The following DCHS2 variants were observed in gnomAD, a reference collection of about 807,000 sequenced individuals.
DCHS2 encodes dachsous cadherin-related 2.
DCHS2 carries 142 observed loss-of-function variants against 182.4 expected under a neutral mutation model. That is an observed-to-expected ratio of 0.78 (90% CI 0.68 to 0.89). The LOEUF is 0.89. Among genes scored for constraint, DCHS2 ranks in the 40% least tolerant of loss-of-function variants. DCHS2 has a pLI of 0.00. For missense variants in DCHS2, 4,319 were observed against 4,198.6 expected (o/e 1.03, Z -0.79); for synonymous variants, 1,740 against 1,663.3 (o/e 1.05, Z -1.12).
At chr4:154,259,784 A>G (rs1336274685) in intron 14 of DCHS2, 28 bp from the exon 15 acceptor site, 3 of 1,576,230 alleles carry the variant, frequency 1.9e-6, no homozygotes, top group Admixed American at 2.0e-5. Context: ...GAGAAAAAAA[A>G]GAAAATGATG....
intron 1 of DCHS2, among the ~76,000 whole-genome samples, chr4:154,397,102 T>C (rs1731962602): frequency 6.6e-6 from 1 of 152,190 alleles, no homozygotes; most frequent in Non-Finnish European, 1.5e-5. Context: ...CAGGGGCATG[T>C]AATATAAGCT....
At chr4:154,265,562 C>T (rs1036476138) in intron 14 of DCHS2, among the ~76,000 whole-genome samples, 9 of 152,102 alleles carry the variant, frequency 5.9e-5, no homozygotes, top group East Asian at 1.9e-4. Flanking sequence ...GGAGATTGCT[C>T]GAGTTCAGGA....
At position 154,259,869 on chromosome 4, in the gene DCHS2, C is replaced by A. The variant is rs1445192920; in HGVS notation, c.6578-113G>T. The stretch of plus-strand genomic sequence containing the variant: ...ACAGAGTCTCGCACTGTCGCCCAGG[C>A]TGGAGTGCAGTGGTGAAATCTCGGC... On this transcript the variant is annotated intron_variant, in intron 14 of 19. Transcript: ENST00000357232. 7.2e-6 allele frequency: 9 copies of A among 1,243,008 alleles called. No homozygotes were observed. The African/African-American group carries it at 1.4e-4, about 19-fold the overall frequency. 77.0% of individuals were successfully genotyped at this position (1,243,008 alleles called of 1,614,324 possible). A position where few individuals can be genotyped will look rare whatever the true frequency, so the allele number is the denominator to read the frequency against.
intron 16 of DCHS2, among the ~76,000 whole-genome samples, chr4:154,250,533 C>A (rs1249234636): frequency 6.6e-6 from 1 of 152,092 alleles, no homozygotes; most frequent in Non-Finnish European, 1.5e-5. Flanking sequence ...CCTCAAAATA[C>A]CCAGAATAAA....
chr4:154,487,679 C>A (rs1209095988), intron 1 of DCHS2, among the ~76,000 whole-genome samples: 1 of 152,132 alleles, frequency 6.6e-6, no homozygotes, highest in Non-Finnish European at 1.5e-5. Context: ...TTATTTGAGA[C>A]ATAATTTGCA....
Position 154,490,072 on chromosome 4 carries a change from T to A in DCHS2, c.1284A>T (p.Glu428Asp). 1 of 1,547,600 alleles carries A rather than the reference T, an allele frequency of 6.5e-7. No individual in the cohort carries two copies. Among genetic ancestry groups the A allele is most frequent in the Non-Finnish European group, 8.7e-7 (1 of 1,146,496 alleles). ...CCACGTAGTCGCCCGGTCGGGCGCC[T>A]TCAGAGACACGGGCGACGCCTCCCT... Reference protein sequence around the residue: ...LTEGGVARVSEGARPGDYVAR... With the variant: ...LTEGGVARVSDGARPGDYVAR... The change falls in exon 1 of 20, where the codon GAA (glutamate) becomes GAT (aspartate). Residue 428 changes from glutamate to aspartate, a missense_variant. Coordinates refer to ENST00000357232, the MANE Select transcript of DCHS2 (RefSeq NM_001358235.2).
At chr4:154,382,698 C>T (rs1731225406) in intron 1 of DCHS2, among the ~76,000 whole-genome samples, 1 of 152,064 alleles carries the variant, frequency 6.6e-6, no homozygotes, top group South Asian at 2.1e-4. Context: ...CATTAACAGA[C>T]ACTTCTCAAA....
intron 1 of DCHS2, among the ~76,000 whole-genome samples, chr4:154,431,535 T>C (rs748587222): frequency 2.6e-5 from 4 of 152,210 alleles, no homozygotes; most frequent in Non-Finnish European, 5.9e-5. Flanking sequence ...GGAATACTCC[T>C]GAGTTTTTAT....
intron 3 of DCHS2, among the ~76,000 whole-genome samples, chr4:154,338,349 T>C (rs1728910506): frequency 6.6e-6 from 1 of 152,176 alleles, no homozygotes; most frequent in African/African-American, 2.4e-5. Flanking sequence ...GAAAGTTAGA[T>C]TAGCAGTGGA....
chr4:154,259,619 A>G lies in DCHS2; in HGVS notation c.6715T>C (p.Ser2239Pro). ...AVLIQDENDN[S>P]PCFEQSIYQA... ...TAAATGCTTTGTTCAAAGCATGGTG[A>G]ATTATCATTCTCATCCTGTATCAAG... The change falls in exon 15 of 20, where the codon TCA becomes CCA. Residue 2239 changes from serine (S) to proline (P), a missense_variant. Transcript: ENST00000357232. 1 of 1,613,954 alleles carries G rather than the reference A, an allele frequency of 6.2e-7. No individual in the cohort carries two copies.
chr4:154,413,189 T>G (rs1429902435), intron 1 of DCHS2, among the ~76,000 whole-genome samples: 1 of 152,224 alleles, frequency 6.6e-6, no homozygotes, highest in Non-Finnish European at 1.5e-5. Context: ...TTTGTATTCC[T>G]GGCATGCTTC....
At position 154,366,365 on chromosome 4, in the gene DCHS2, G is replaced by T; in HGVS notation, c.2321C>A (p.Ser774Ter). 3 of 1,613,964 alleles carry T rather than the reference G, an allele frequency of 1.9e-6. No individual in the cohort carries two copies. Among genetic ancestry groups the T allele is most frequent in the Non-Finnish European group, 2.5e-6 (3 of 1,179,954 alleles). ...ATCACTGATGCTCGTCACATAGGTTGATGGGTTAAACACAGGATGATTATC... is the reference window on the plus strand; with the variant it reads ...ATCACTGATGCTCGTCACATAGGTTTATGGGTTAAACACAGGATGATTATC... The part of the protein sequence containing the change: ...VNDNHPVFNP[S>*]TYVTSISDET... The change falls in exon 3 of 20, where the codon TCA becomes TAA. Residue 774 changes from serine to a stop codon, truncating the protein, a stop_gained. Transcript: ENST00000357232. LOFTEE classifies it high-confidence loss of function.
intron 1 of DCHS2, among the ~76,000 whole-genome samples, chr4:154,483,246 T>C (rs1735989533): frequency 6.6e-6 from 1 of 151,778 alleles, no homozygotes; most frequent in Admixed American, 6.6e-5. Context: ...GGGGGTGATA[T>C]ACAAGAAGAG....
At chr4:154,276,353 T>C (rs1733853742) in intron 13 of DCHS2, among the ~76,000 whole-genome samples, 1 of 152,156 alleles carries the variant, frequency 6.6e-6, no homozygotes, top group African/African-American at 2.4e-5. Flanking sequence ...TTTACAAAAA[T>C]AGAGTTAAAA....
At chr4:154,317,450 A>G (rs978143804) in intron 9 of DCHS2, among the ~76,000 whole-genome samples, 3 of 152,198 alleles carry the variant, frequency 2.0e-5, no homozygotes, top group African/African-American at 7.2e-5. Flanking sequence ...ATGAAACCAC[A>G]TGTACAAGAT....
At chr4:154,240,178 A>G (rs1232921069) in intron 18 of DCHS2, among the ~76,000 whole-genome samples, 1 of 152,120 alleles carries the variant, frequency 6.6e-6, no homozygotes, top group Non-Finnish European at 1.5e-5. Context: ...ATGCATTCCA[A>G]AAATATGCCT....
At chr4:154,472,785 C>T (rs977770844) in intron 1 of DCHS2, among the ~76,000 whole-genome samples, 2 of 152,080 alleles carry the variant, frequency 1.3e-5, no homozygotes, top group African/African-American at 4.8e-5. Context: ...CACAAACACC[C>T]ACACATACAC....
intron 10 of DCHS2, among the ~76,000 whole-genome samples, chr4:154,314,586 T>C (rs1424112427): frequency 2.0e-5 from 3 of 152,214 alleles, no homozygotes; most frequent in Admixed American, 6.5e-5. Flanking sequence ...GAGGGCAAAG[T>C]ATTCAAATAT....
rs1040053337 is a variant in DCHS2 at position 154,312,791 on chromosome 4, A to T, written c.5260+2957T>A. On this transcript the variant is annotated intron_variant, in intron 10 of 19. Transcript: ENST00000357232. Reference sequence around the variant, plus strand: ...TAGCATCCTTATCCTTTATTCTTTGATATACACACAAATAAGTCACCTTCT... The same window carrying T: ...TAGCATCCTTATCCTTTATTCTTTGTTATACACACAAATAAGTCACCTTCT... Among the ~76,000 whole-genome samples the T allele has an allele frequency of 2.6e-5, 4 of 152,216 alleles. No individual in the cohort carries two copies. In the East Asian group the frequency reaches 5.8e-4, roughly 22 times the overall value.
Sources: allele counts gnomAD v4.1 joint callset (sites outside exome capture counted in the v4.1 genomes callset), GRCh38; gene constraint gnomAD v4.1.1; transcripts MANE v1.5; gene names NCBI Gene and HGNC (gene_info 2026-07-23, HGNC 2026-07-21).